The following CHRM3 variants were observed in gnomAD, a reference collection of about 807,000 sequenced individuals.
CHRM3 encodes muscarinic acetylcholine receptor M3.
In CHRM3, 11 loss-of-function variants were observed where a neutral mutation model predicts 41.8. The observed-to-expected ratio is 0.26, with a 90% confidence interval of 0.17 to 0.44. The LOEUF (loss-of-function observed/expected upper bound fraction) is 0.44. Ranked by LOEUF, CHRM3 falls within the 20% of genes least tolerant of loss-of-function variation. CHRM3 has a pLI of 1.00. For missense variants in CHRM3, 571 were observed against 745.4 expected (o/e 0.77, Z 2.72); for synonymous variants, 297 against 301.4 (o/e 0.99, Z 0.15).
chr1:239,429,820 A>T (rs1177107457), intron 1 of CHRM3, among the ~76,000 whole-genome samples: 1 of 144,744 alleles, frequency 6.9e-6, no homozygotes, highest in Non-Finnish European at 1.5e-5. Context: ...ACATCTCATT[A>T]GTAATTCATT....
chr1:239,465,719 T>C (rs1665676316), intron 1 of CHRM3, among the ~76,000 whole-genome samples: 1 of 152,338 alleles, frequency 6.6e-6, no homozygotes, highest in African/African-American at 2.4e-5. Flanking sequence ...TCCGAACTTT[T>C]GAGTCTGAGT....
intron 5 of CHRM3, among the ~76,000 whole-genome samples, chr1:239,743,495 G>GATTGAGC (rs2148515071): frequency 6.6e-6 from 1 of 152,274 alleles, no homozygotes; most frequent in Admixed American, 6.5e-5. Context: ...AGCTGACATG[G>GATTGAGC]ATTGAGCACT....
intron 2 of CHRM3, among the ~76,000 whole-genome samples, chr1:239,525,265 G>T (rs1367433099): frequency 1.3e-5 from 2 of 152,250 alleles, no homozygotes; most frequent in Non-Finnish European, 2.9e-5. Context: ...TGGAGTCTAG[G>T]AGGCTGAGGC....
intron 1 of CHRM3, among the ~76,000 whole-genome samples, chr1:239,483,627 T>G (rs193095164): frequency 7.2e-5 from 11 of 152,304 alleles, no homozygotes; most frequent in Admixed American, 5.2e-4. Flanking sequence ...GACTGAGAGA[T>G]AATTTAATCT....
At chr1:239,422,144 C>A (rs1662003291) in intron 1 of CHRM3, among the ~76,000 whole-genome samples, 1 of 152,130 alleles carries the variant, frequency 6.6e-6, no homozygotes, top group Non-Finnish European at 1.5e-5. Flanking sequence ...TTACCGAATG[C>A]TTTTACTTCA....
intron 2 of CHRM3, among the ~76,000 whole-genome samples, chr1:239,540,649 C>A (rs994660772): frequency 6.6e-6 from 1 of 152,110 alleles, no homozygotes; most frequent in African/African-American, 2.4e-5. Flanking sequence ...TACAAACACA[C>A]GGTCTTATTA....
intron 3 of CHRM3, among the ~76,000 whole-genome samples, chr1:239,585,049 TTAAATA>T (rs1663267304): frequency 1.8e-5 from 2 of 109,270 alleles, no homozygotes; most frequent in South Asian, 2.7e-4. Flanking sequence ...TGAGCAACAA[TTAAATA>T]TATATATATA....
chr1:239,659,060 A>G (rs1284749837), intron 4 of CHRM3, among the ~76,000 whole-genome samples: 1 of 152,078 alleles, frequency 6.6e-6, no homozygotes, highest in Admixed American at 6.6e-5. Flanking sequence ...TAATAAATCC[A>G]TTCCATGTTC....
intron 5 of CHRM3, among the ~76,000 whole-genome samples, chr1:239,729,244 C>T (rs940114247): frequency 3.3e-5 from 5 of 151,736 alleles, no homozygotes; most frequent in African/African-American, 9.7e-5. Flanking sequence ...AAATCTTCAT[C>T]GTTGAGTGAA....
At chr1:239,618,593 C>G (rs561234703) in intron 3 of CHRM3, among the ~76,000 whole-genome samples, 4 of 151,542 alleles carry the variant, frequency 2.6e-5, no homozygotes, top group African/African-American at 7.3e-5. Context: ...GCCTGTAATC[C>G]CAGCACTTTG....
intron 5 of CHRM3, among the ~76,000 whole-genome samples, chr1:239,769,334 T>C (rs1274466355): frequency 3.3e-5 from 5 of 152,192 alleles, no homozygotes; most frequent in African/African-American, 1.2e-4. Flanking sequence ...ATTGATGTTA[T>C]TGTTATGTCA....
intron 4 of CHRM3, among the ~76,000 whole-genome samples, chr1:239,654,961 ATAT>A (rs1402544092): frequency 6.6e-6 from 1 of 152,246 alleles, no homozygotes; most frequent in African/African-American, 2.4e-5. Flanking sequence ...ATAAGCCACA[ATAT>A]TATAAGAAAA....
At chr1:239,673,214 C>T (rs1022466913) in intron 4 of CHRM3, among the ~76,000 whole-genome samples, 4 of 152,058 alleles carry the variant, frequency 2.6e-5, no homozygotes, top group Admixed American at 2.0e-4. Context: ...TCTTTAGCTC[C>T]GTCCTTGTCC....
At chr1:239,819,939 G>A (rs1223106805) in intron 5 of CHRM3, among the ~76,000 whole-genome samples, 3 of 152,134 alleles carry the variant, frequency 2.0e-5, no homozygotes, top group Non-Finnish European at 4.4e-5. Flanking sequence ...GACACAGCCT[G>A]TCCAACCGGA....
At chr1:239,443,655 G>A (rs1037645666) in intron 1 of CHRM3, among the ~76,000 whole-genome samples, 4 of 152,154 alleles carry the variant, frequency 2.6e-5, no homozygotes, top group African/African-American at 9.7e-5. Context: ...CTGAAGAAAC[G>A]CTTAGGAAAA....
chr1:239,565,797 A>C (rs910467072), intron 3 of CHRM3, among the ~76,000 whole-genome samples: 1 of 151,932 alleles, frequency 6.6e-6, no homozygotes, highest in Non-Finnish European at 1.5e-5. Flanking sequence ...AACACCTCTG[A>C]TCTGGTCTTG....
At chr1:239,842,468 C>A (rs574016965) in intron 6 of CHRM3, among the ~76,000 whole-genome samples, 1 of 152,264 alleles carries the variant, frequency 6.6e-6, no homozygotes, top group Non-Finnish European at 1.5e-5. Flanking sequence ...CTCCTGACAT[C>A]AGGTGATCCG....
chr1:239,787,639 G>A (rs1306752422), intron 5 of CHRM3, among the ~76,000 whole-genome samples: 1 of 152,108 alleles, frequency 6.6e-6, no homozygotes, highest in Admixed American at 6.5e-5. Context: ...CAATGTGATC[G>A]TGCTGGCCCA....
chr1:239,547,106 G>A (rs10925912), intron 3 of CHRM3, among the ~76,000 whole-genome samples: 98,468 of 152,118 alleles, frequency 0.65, 37,653 homozygotes, highest in Non-Finnish European at 0.83. Context: ...TTTTCACTAG[G>A]AGGGCAGTGG....
Sources: allele counts gnomAD v4.1 joint callset (sites outside exome capture counted in the v4.1 genomes callset), GRCh38; gene constraint gnomAD v4.1.1; transcripts MANE v1.5; gene names NCBI Gene and HGNC (gene_info 2026-07-23, HGNC 2026-07-21).